Variants in PLCB1 observed in about 807,000 individuals in gnomAD.
PLCB1 encodes phospholipase C beta 1, also known as 1-phosphatidylinositol 4,5-bisphosphate phosphodiesterase beta-1.
Under a neutral mutation model 161.8 loss-of-function variants are expected in PLCB1, and 46 were observed. The observed-to-expected ratio is 0.28, with a 90% CI of 0.22 to 0.36. The LOEUF (loss-of-function observed/expected upper bound fraction) is 0.36, where lower values mean the gene tolerates loss of function less well. Among genes scored for constraint, PLCB1 ranks in the 10% least tolerant of loss-of-function variants. PLCB1 has a pLI of 1.00. For missense variants in PLCB1, 1,016 were observed against 1,472.5 expected (o/e 0.69, Z 5.07); for synonymous variants, 517 against 503.7 (o/e 1.03, Z -0.35).
chr20:8,586,811 C>T (rs1447604920), intron 3 of PLCB1, among the ~76,000 whole-genome samples: 1 of 152,088 alleles, frequency 6.6e-6, no homozygotes, highest in Admixed American at 6.6e-5. Flanking sequence ...CCCTCCACAC[C>T]TTTGTGTTTA....
At chr20:8,511,308 T>C (rs1983881994) in intron 3 of PLCB1, among the ~76,000 whole-genome samples, 1 of 152,190 alleles carries the variant, frequency 6.6e-6, no homozygotes, top group African/African-American at 2.4e-5. Flanking sequence ...CAGAATTTGC[T>C]TCTTTTTTTT....
At chr20:8,317,544 A>C (rs1317827133) in intron 2 of PLCB1, among the ~76,000 whole-genome samples, 1 of 151,870 alleles carries the variant, frequency 6.6e-6, no homozygotes, top group Non-Finnish European at 1.5e-5. Flanking sequence ...CACACACACA[A>C]CACCATGCAA....
At chr20:8,316,278 T>C (rs1984647198) in intron 2 of PLCB1, among the ~76,000 whole-genome samples, 1 of 152,168 alleles carries the variant, frequency 6.6e-6, no homozygotes, top group African/African-American at 2.4e-5. Context: ...TATATGCTCT[T>C]AGACACATTT....
At chr20:8,179,136 G>A (rs1392807013) in intron 2 of PLCB1, among the ~76,000 whole-genome samples, 1 of 152,068 alleles carries the variant, frequency 6.6e-6, no homozygotes, top group African/African-American at 2.4e-5. Flanking sequence ...GATTCCATAT[G>A]AATTTTAGAA....
At chr20:8,387,977 TAAAA>T (rs1555802977) in intron 3 of PLCB1, among the ~76,000 whole-genome samples, 1 of 126,782 alleles carries the variant, frequency 7.9e-6, no homozygotes, top group South Asian at 2.6e-4. Context: ...CCACTTTTTT[TAAAA>T]AAAAAAAAAA....
At chr20:8,161,390 A>G (rs1033636764) in intron 2 of PLCB1, among the ~76,000 whole-genome samples, 3 of 152,144 alleles carry the variant, frequency 2.0e-5, no homozygotes, top group African/African-American at 7.2e-5. Flanking sequence ...ACTATTATCT[A>G]CATTTAAAAG....
At chr20:8,730,979 A>C (rs1255697630) in intron 18 of PLCB1, among the ~76,000 whole-genome samples, 2 of 151,868 alleles carry the variant, frequency 1.3e-5, no homozygotes, top group African/African-American at 4.8e-5. Flanking sequence ...TTTTAGACAC[A>C]CAAAGACAGT....
At chr20:8,719,737 G>A (rs182371474) in intron 14 of PLCB1, among the ~76,000 whole-genome samples, 5 of 152,160 alleles carry the variant, frequency 3.3e-5, no homozygotes, top group East Asian at 1.9e-4. Context: ...ACTCAGACAC[G>A]TTTATTTGGT....
At chr20:8,370,091 C>T (rs1180741735) in intron 2 of PLCB1, among the ~76,000 whole-genome samples, 1 of 152,184 alleles carries the variant, frequency 6.6e-6, no homozygotes, top group Non-Finnish European at 1.5e-5. Context: ...GCAGTGCCTC[C>T]TTCCGGGAGA....
chr20:8,224,372 C>A (rs559361918), intron 2 of PLCB1, among the ~76,000 whole-genome samples: 48 of 124,004 alleles, frequency 3.9e-4, no homozygotes, highest in African/African-American at 1.2e-3. Flanking sequence ...TAGACAAGAC[C>A]TAAACATTAA....
intron 11 of PLCB1, among the ~76,000 whole-genome samples, chr20:8,704,922 A>G (rs1978578994): frequency 6.7e-6 from 1 of 150,336 alleles, no homozygotes; most frequent in African/African-American, 2.4e-5. Flanking sequence ...GTCTCAAGGT[A>G]GGAGAAGACC....
intron 7 of PLCB1, chr20:8,653,025 T>C (rs961400000): frequency 3.3e-5 from 5 of 152,062 alleles, no homozygotes; most frequent in Non-Finnish European, 5.9e-5. Context: ...CTGAAAATAG[T>C]TTATTTGCAC....
intron 6 of PLCB1, among the ~76,000 whole-genome samples, chr20:8,648,741 A>T (rs985805312): frequency 3.3e-5 from 5 of 152,154 alleles, no homozygotes; most frequent in African/African-American, 9.7e-5. Flanking sequence ...GGATTTTGAG[A>T]GCAGCCTAGG....
intron 2 of PLCB1, among the ~76,000 whole-genome samples, chr20:8,240,355 T>C (rs1980548601): frequency 6.6e-6 from 1 of 151,918 alleles, no homozygotes. Flanking sequence ...GTATGTTCAA[T>C]ACATAGCATT....
At chr20:8,575,542 A>AT (rs1772295012) in intron 3 of PLCB1, among the ~76,000 whole-genome samples, 1 of 152,228 alleles carries the variant, frequency 6.6e-6, no homozygotes, top group Admixed American at 6.5e-5. Context: ...GAATCAGGCA[A>AT]TGACCCTGCC....
chr20:8,611,802 T>C (rs2123173007), intron 3 of PLCB1, among the ~76,000 whole-genome samples: 1 of 152,220 alleles, frequency 6.6e-6, no homozygotes, highest in Non-Finnish European at 1.5e-5. Context: ...ACGTATTAGC[T>C]GGGCATGGTG....
intron 2 of PLCB1, among the ~76,000 whole-genome samples, chr20:8,247,912 G>A (rs1568604503): frequency 6.6e-6 from 1 of 151,930 alleles, no homozygotes; most frequent in Non-Finnish European, 1.5e-5. Context: ...AGAATGCCTA[G>A]GGCAGGGTCT....
chr20:8,218,473 C>T (rs549731321), intron 2 of PLCB1, among the ~76,000 whole-genome samples: 1 of 152,228 alleles, frequency 6.6e-6, no homozygotes, highest in East Asian at 1.9e-4. Flanking sequence ...CAGCTTCCAC[C>T]GCTTACCAGC....
chr20:8,504,825 G>A (rs1481453937), intron 3 of PLCB1, among the ~76,000 whole-genome samples: 1 of 152,188 alleles, frequency 6.6e-6, no homozygotes, highest in Non-Finnish European at 1.5e-5. Context: ...TAAATGGACA[G>A]TCGTGCTCTT....
Sources: gnomAD v4.1 joint callset for allele counts (sites outside exome capture counted in the v4.1 genomes callset) on GRCh38, gnomAD v4.1.1 for gene constraint, MANE v1.5 for transcripts, NCBI Gene and HGNC (gene_info 2026-07-23, HGNC 2026-07-21) for gene names.